DLG2: variants seen among roughly 807,000 people sequenced by gnomAD.
The protein encoded by DLG2 is disks large homolog 2.
Under a neutral mutation model 132.5 loss-of-function variants are expected in DLG2, and 45 were observed. That is an observed-to-expected ratio of 0.34 (90% CI 0.27 to 0.44). The LOEUF is 0.44. Among genes scored for constraint, DLG2 ranks in the 20% least tolerant of loss-of-function variants. The probability of loss-of-function intolerance (pLI) is 1.00; values close to 1 mark genes in which losing one functional copy is unlikely to be tolerated. For synonymous variants in DLG2, 424 were observed against 419.6 expected, an observed-to-expected ratio of 1.01 and a Z score of -0.13; for missense variants, 1,045 against 1,196.9, an observed-to-expected ratio of 0.87 and a Z score of 1.87.
intron 8 of DLG2, among the ~76,000 whole-genome samples, chr11:84,203,297 G>A (rs896588989): frequency 4.6e-5 from 7 of 151,972 alleles, no homozygotes; most frequent in African/African-American, 1.4e-4. Flanking sequence ...AAAGGAATGC[G>A]ATCCGCCAGG....
intron 19 of DLG2, among the ~76,000 whole-genome samples, chr11:83,592,169 G>A (rs1478274170): frequency 1.3e-5 from 2 of 150,220 alleles, no homozygotes; most frequent in East Asian, 3.9e-4. Context: ...AACCAAAAAA[G>A]AGCCCGCATC....
At chr11:84,117,171 T>C (rs1222932127) in intron 9 of DLG2, among the ~76,000 whole-genome samples, 2 of 152,220 alleles carry the variant, frequency 1.3e-5, no homozygotes, top group Admixed American at 6.5e-5. Context: ...CTCCCACTTC[T>C]AAGGTCCTAG....
intron 9 of DLG2, among the ~76,000 whole-genome samples, chr11:84,115,405 T>G (rs1437757642): frequency 6.6e-6 from 1 of 152,186 alleles, no homozygotes; most frequent in African/African-American, 2.4e-5. Flanking sequence ...CTGGATTGTG[T>G]GCACTCCATT....
At chr11:84,893,580 T>C (rs1312185776) in intron 6 of DLG2, among the ~76,000 whole-genome samples, 1 of 152,188 alleles carries the variant, frequency 6.6e-6, no homozygotes, top group Non-Finnish European at 1.5e-5. Flanking sequence ...GTTTACTCAG[T>C]TGAGTCTCAC....
At chr11:84,270,766 C>T (rs1024252080) in intron 7 of DLG2, among the ~76,000 whole-genome samples, 6 of 152,104 alleles carry the variant, frequency 3.9e-5, no homozygotes, top group African/African-American at 1.4e-4. Context: ...GGTCAATTCT[C>T]CTAAGATTAA....
chr11:85,365,590 C>T (rs945614347), intron 3 of DLG2, among the ~76,000 whole-genome samples: 1 of 152,146 alleles, frequency 6.6e-6, no homozygotes, highest in Non-Finnish European at 1.5e-5. Flanking sequence ...TAGGTATATA[C>T]CCAAAGGATT....
At position 83,947,280 on chromosome 11, in the gene DLG2, CAT is replaced by C. The variant is rs145161799; in HGVS notation, c.1340+15603_1340+15604del. ...TTAAATGAATAATCAGTTTCTTTAACATAGACTTTTCTTTTTGCATGACTTTT... is the reference window on the plus strand; with the variant it reads ...TTAAATGAATAATCAGTTTCTTTAACAGACTTTTCTTTTTGCATGACTTTT... On this transcript the variant is annotated intron_variant, in intron 14 of 27. Transcript: ENST00000376104. Among the ~76,000 whole-genome samples, 1,278 of 152,110 alleles carry C rather than the reference CAT, an allele frequency of 8.4e-3. 9 individuals are homozygous for C. The highest frequency in any genetic ancestry group is 0.013 in the Non-Finnish European group (902 of 67,992).
intron 6 of DLG2, among the ~76,000 whole-genome samples, chr11:84,847,672 T>C (rs573779845): frequency 7.9e-5 from 12 of 152,168 alleles, no homozygotes; most frequent in Admixed American, 1.3e-4. Context: ...CAATAAAGCA[T>C]GGCCTAAGGA....
chr11:85,557,030 T>G (rs1369016065), intron 3 of DLG2, among the ~76,000 whole-genome samples: 1 of 151,926 alleles, frequency 6.6e-6, no homozygotes, highest in East Asian at 1.9e-4. Context: ...TATGATTCCA[T>G]ACCTAGAAAA....
At chr11:83,576,049 A>T (rs1749708441) in intron 19 of DLG2, among the ~76,000 whole-genome samples, 1 of 152,216 alleles carries the variant, frequency 6.6e-6, no homozygotes, top group South Asian at 2.1e-4. Context: ...AAATAGGGAC[A>T]TGAAACATAT....
chr11:84,945,219 T>C (rs569106237), intron 6 of DLG2, among the ~76,000 whole-genome samples: 2 of 152,324 alleles, frequency 1.3e-5, no homozygotes, highest in South Asian at 2.1e-4. Context: ...GGTAACTGAC[T>C]ATTGTGATCT....
intron 6 of DLG2, among the ~76,000 whole-genome samples, chr11:84,892,206 G>A (rs868035159): frequency 1.1e-4 from 16 of 152,100 alleles, no homozygotes; most frequent in Admixed American, 2.6e-4. Context: ...TAGGATATTT[G>A]CCAATAATTT....
At chr11:84,909,408 T>G (rs2091858585) in intron 6 of DLG2, among the ~76,000 whole-genome samples, 1 of 152,194 alleles carries the variant, frequency 6.6e-6, no homozygotes, top group Non-Finnish European at 1.5e-5. Flanking sequence ...GCCATTTTCT[T>G]GCTATGTGAC....
chr11:85,343,582 T>C (rs1376032154), intron 3 of DLG2, among the ~76,000 whole-genome samples: 1 of 152,164 alleles, frequency 6.6e-6, no homozygotes, highest in Non-Finnish European at 1.5e-5. Flanking sequence ...TTTCAGCTTA[T>C]TATGACCTAA....
chr11:83,944,121 G>A (rs754946923), intron 14 of DLG2, among the ~76,000 whole-genome samples: 16 of 151,960 alleles, frequency 1.1e-4, no homozygotes, highest in Non-Finnish European at 2.2e-4. Flanking sequence ...TTGGAGATGC[G>A]TGTATGTATT....
At chr11:83,613,295 G>C (rs903775020) in intron 19 of DLG2, among the ~76,000 whole-genome samples, 4 of 152,142 alleles carry the variant, frequency 2.6e-5, no homozygotes, top group African/African-American at 9.7e-5. Context: ...TGCAAGCCCA[G>C]TCATTGCTAT....
chr11:85,542,281 A>G lies in DLG2; in HGVS notation c.40+56376T>C, dbSNP rs542940569. On this transcript the variant is annotated intron_variant, in intron 3 of 27. Transcript: ENST00000376104. ...CCAAAAGAAATGGGGCACCACCTTC[A>G]TTGTTAAGCAATCTCTTGGAAATAT... 2.0e-5 allele frequency among the ~76,000 whole-genome samples: 3 copies of G among 152,296 alleles called. No homozygotes were observed. In the South Asian group the frequency reaches 6.2e-4, roughly 32 times the overall value.
chr11:83,667,967 C>T lies in DLG2; in HGVS notation c.1826-34642G>A, dbSNP rs1292820667. 2.4e-5 allele frequency among the ~76,000 whole-genome samples: 2 copies of T among 84,880 alleles called. 1 individual carries two copies. The highest frequency in any genetic ancestry group is 3.1e-4 in the Admixed American group (2 of 6,388). 55.7% of individuals were successfully genotyped at this position (84,880 alleles called of 152,430 possible). On this transcript the variant is annotated intron_variant, in intron 18 of 27. Coordinates refer to ENST00000376104, the MANE Select transcript of DLG2 (RefSeq NM_001142699.3). ...GTCCAGCCCGGGCGACAGAGTGAGA[C>T]TCCGTCTCAAAAAAAAAAAAAAAAA...
At chr11:84,505,026 GC>G (rs773357275) in intron 7 of DLG2, among the ~76,000 whole-genome samples, 76 of 152,158 alleles carry the variant, frequency 5.0e-4, no homozygotes, top group Non-Finnish European at 9.0e-4. Context: ...AGTTCAAATT[GC>G]CAATGGATAG....
Sources: allele counts gnomAD v4.1 joint callset (sites outside exome capture counted in the v4.1 genomes callset), GRCh38; gene constraint gnomAD v4.1.1; transcripts MANE v1.5; gene names NCBI Gene and HGNC (gene_info 2026-07-23, HGNC 2026-07-21).